Variants in DLGAP1 observed in about 807,000 individuals in gnomAD.
DLGAP1 encodes the protein DLG associated protein 1, also known as disks large-associated protein 1.
DLGAP1 carries 11 observed loss-of-function variants against 90.8 expected under a neutral mutation model. That is an observed-to-expected ratio of 0.12 (90% CI 0.08 to 0.20). DLGAP1 has a LOEUF of 0.20. Ranked by LOEUF, DLGAP1 falls within the 10% of genes least tolerant of loss-of-function variation. The pLI, the probability that DLGAP1 is intolerant of heterozygous loss-of-function variation, is 1.00. For synonymous variants in DLGAP1, 558 were observed against 540.7 expected, an observed-to-expected ratio of 1.03 and a Z score of -0.44; for missense variants, 1,050 against 1,333.8, an observed-to-expected ratio of 0.79 and a Z score of 3.31.
chr18:4,285,407 C>T (rs7244901), intron 1 of DLGAP1, among the ~76,000 whole-genome samples: 20,032 of 151,978 alleles, frequency 0.13, 2,905 homozygotes, highest in African/African-American at 0.36. Context: ...GAAAAGAAAA[C>T]AGGATGTTGT....
intron 3 of DLGAP1, among the ~76,000 whole-genome samples, chr18:3,928,879 G>A (rs1470744281): frequency 6.6e-6 from 1 of 152,150 alleles, no homozygotes; most frequent in Non-Finnish European, 1.5e-5. Context: ...GAGCGTTAGA[G>A]GTAGGACCTG....
At chr18:4,340,812 C>T (rs767139882) in intron 1 of DLGAP1, among the ~76,000 whole-genome samples, 1 of 152,028 alleles carries the variant, frequency 6.6e-6, no homozygotes, top group Non-Finnish European at 1.5e-5. Flanking sequence ...GACAATCATC[C>T]CTGCTTCAAC....
chr18:3,814,361 A>ATTT (rs372490602), intron 4 of DLGAP1, 88 bp from the exon 5 acceptor site: 1,205 of 878,750 alleles, frequency 1.4e-3, no homozygotes, highest in Non-Finnish European at 1.6e-3. Flanking sequence ...TAACATTTCT[A>ATTT]TTTTTTTTTT....
chr18:3,667,777 G>A (rs2059934513), intron 7 of DLGAP1, among the ~76,000 whole-genome samples: 2 of 152,138 alleles, frequency 1.3e-5, no homozygotes, highest in African/African-American at 2.4e-5. Flanking sequence ...CCAAGGCTAG[G>A]CCAGAGCCGG....
intron 1 of DLGAP1, among the ~76,000 whole-genome samples, chr18:4,253,696 C>T (rs1485684123): frequency 6.6e-6 from 1 of 152,190 alleles, no homozygotes; most frequent in East Asian, 1.9e-4. Context: ...AGGCGTGAGT[C>T]ACTGTGCCTG....
At chr18:3,659,796 C>A (rs921881232) in intron 7 of DLGAP1, among the ~76,000 whole-genome samples, 73 of 152,280 alleles carry the variant, frequency 4.8e-4, no homozygotes, top group African/African-American at 1.7e-3. Context: ...GATCTCTTGA[C>A]CTCATGATCC....
At chr18:4,403,315 A>G (rs62087781) in intron 1 of DLGAP1, among the ~76,000 whole-genome samples, 4,415 of 152,298 alleles carry the variant, frequency 0.029, 91 homozygotes, top group South Asian at 0.095. Context: ...TACCTGGAAT[A>G]TATAGGTTGA....
chr18:3,872,225 C>CAAAAAAA (rs5822772), intron 4 of DLGAP1, among the ~76,000 whole-genome samples: 6 of 87,070 alleles, frequency 6.9e-5, no homozygotes, highest in Admixed American at 1.3e-4. Flanking sequence ...CTCTCCAAGA[C>CAAAAAAA]AAAAAAAAAA....
intron 1 of DLGAP1, among the ~76,000 whole-genome samples, chr18:4,227,246 C>T (rs1480383803): frequency 1.3e-5 from 2 of 151,964 alleles, no homozygotes; most frequent in African/African-American, 4.8e-5. Flanking sequence ...GACCCCTATA[C>T]ATTAATAGAA....
intron 9 of DLGAP1, among the ~76,000 whole-genome samples, chr18:3,554,241 C>T (rs965864634): frequency 5.9e-5 from 9 of 152,148 alleles, no homozygotes; most frequent in African/African-American, 1.2e-4. Context: ...GGGCCACTGG[C>T]GGAGGTGAGT....
intron 7 of DLGAP1, among the ~76,000 whole-genome samples, chr18:3,710,038 G>A (rs2061552331): frequency 6.6e-6 from 1 of 152,178 alleles, no homozygotes; most frequent in Non-Finnish European, 1.5e-5. Context: ...TTAAAATAGG[G>A]AGCTGCTATT....
chr18:3,628,065 G>A (rs1374433916), intron 7 of DLGAP1, among the ~76,000 whole-genome samples: 5 of 151,618 alleles, frequency 3.3e-5, no homozygotes, highest in Non-Finnish European at 7.4e-5. Flanking sequence ...TAGTAGAGAT[G>A]GGCTTTCACT....
intron 1 of DLGAP1, among the ~76,000 whole-genome samples, chr18:4,278,322 A>C (rs537759674): frequency 2.0e-5 from 3 of 152,238 alleles, no homozygotes; most frequent in Admixed American, 2.0e-4. Flanking sequence ...AAGAGGTACA[A>C]GTGCAATGTT....
At chr18:3,560,555 A>C (rs183168846) in intron 9 of DLGAP1, among the ~76,000 whole-genome samples, 102 of 143,522 alleles carry the variant, frequency 7.1e-4, no homozygotes, top group Non-Finnish European at 1.3e-3. Context: ...GTGCCACTGC[A>C]CTCCAGCCTG....
chr18:3,756,809 G>C (rs145593733), intron 5 of DLGAP1, among the ~76,000 whole-genome samples: 1 of 151,858 alleles, frequency 6.6e-6, no homozygotes, highest in African/African-American at 2.4e-5. Flanking sequence ...GATTGTAAGA[G>C]AATACTGAAG....
intron 6 of DLGAP1, among the ~76,000 whole-genome samples, chr18:3,740,232 C>A (rs1023282223): frequency 3.9e-5 from 6 of 152,034 alleles, no homozygotes; most frequent in African/African-American, 1.4e-4. Flanking sequence ...TTAGGCCATG[C>A]AGAATAAATA....
chr18:3,686,058 T>C (rs374999466), intron 7 of DLGAP1, among the ~76,000 whole-genome samples: 2 of 152,174 alleles, frequency 1.3e-5, no homozygotes, highest in African/African-American at 4.8e-5. Context: ...GTGCCTGTAA[T>C]CCCAGCTACT....
At chr18:4,365,609 G>A (rs1567864250) in intron 1 of DLGAP1, among the ~76,000 whole-genome samples, 1 of 152,002 alleles carries the variant, frequency 6.6e-6, no homozygotes, top group Non-Finnish European at 1.5e-5. Context: ...AATTGGCAGT[G>A]GAAAATATGC....
At chr18:4,031,550 T>C (rs962490121) in intron 2 of DLGAP1, among the ~76,000 whole-genome samples, 2 of 152,130 alleles carry the variant, frequency 1.3e-5, no homozygotes, top group African/African-American at 4.8e-5. Context: ...AGGCAGTTGA[T>C]GGGAAATAAG....
Sources: allele counts gnomAD v4.1 joint callset (sites outside exome capture counted in the v4.1 genomes callset), GRCh38; gene constraint gnomAD v4.1.1; transcripts MANE v1.5; gene names NCBI Gene and HGNC (gene_info 2026-07-23, HGNC 2026-07-21).